Variants in PRELID2 observed in about 807,000 individuals in gnomAD.
PRELID2 encodes PRELI domain containing 2, also known as PRELI domain-containing protein 2.
In PRELID2, 25 loss-of-function variants were observed where a neutral mutation model predicts 28.4. That is an observed-to-expected ratio of 0.88 (90% confidence interval 0.64 to 1.23). The LOEUF (loss-of-function observed/expected upper bound fraction) is 1.23. PRELID2 is among the 50% of genes most tolerant of loss of function. The pLI is 0.00. For synonymous variants in PRELID2, 76 were observed against 71.6 expected, an observed-to-expected ratio of 1.06 and a Z score of -0.31; for missense variants, 201 against 214.4, an observed-to-expected ratio of 0.94 and a Z score of 0.39.
the PRELID2 span, among the ~76,000 whole-genome samples, chr5:145,231,201 A>G: frequency 6.6e-6 from 1 of 152,164 alleles, no homozygotes; most frequent in Non-Finnish European, 1.5e-5. Context: ...GCAGGTCCTA[A>G]AGATGATCCA....
chr5:145,798,224 G>A (rs1211496665), intron 4 of PRELID2, among the ~76,000 whole-genome samples: 2 of 152,016 alleles, frequency 1.3e-5, no homozygotes, highest in Non-Finnish European at 1.5e-5. Flanking sequence ...GAGAGCCTAA[G>A]GGACTTATAA....
chr5:145,263,721 G>T, the PRELID2 span, among the ~76,000 whole-genome samples: 3 of 151,920 alleles, frequency 2.0e-5, no homozygotes, highest in Non-Finnish European at 2.9e-5. Flanking sequence ...ACCTTTACAT[G>T]CATAAACTAG....
the PRELID2 span, among the ~76,000 whole-genome samples, chr5:145,282,709 G>C: frequency 6.6e-6 from 1 of 151,952 alleles, no homozygotes; most frequent in African/African-American, 2.4e-5. Context: ...AGTAGAGACA[G>C]GGTTTCACCA....
chr5:145,366,954 A>G, the PRELID2 span, among the ~76,000 whole-genome samples: 2 of 151,916 alleles, frequency 1.3e-5, no homozygotes, highest in Non-Finnish European at 2.9e-5. Flanking sequence ...AAAGCCATCA[A>G]TAGGTAAGCT....
At chr5:145,571,082 T>C (rs960141340) in intron 1 of PRELID2, among the ~76,000 whole-genome samples, 4 of 152,244 alleles carry the variant, frequency 2.6e-5, no homozygotes, top group African/African-American at 4.8e-5. Flanking sequence ...TAATTACACA[T>C]AAATGTACTC....
the PRELID2 span, among the ~76,000 whole-genome samples, chr5:145,362,237 C>A: frequency 6.6e-6 from 1 of 152,102 alleles, no homozygotes; most frequent in Non-Finnish European, 1.5e-5. Context: ...GTATTTGAAG[C>A]CTTTCAAAAG....
intron 1 of PRELID2, among the ~76,000 whole-genome samples, chr5:145,517,530 T>A (rs1368374959): frequency 6.6e-6 from 1 of 152,192 alleles, no homozygotes; most frequent in Non-Finnish European, 1.5e-5. Context: ...GGAACAATTT[T>A]ACACTGTTGG....
At chr5:145,701,383 TTA>T (rs1313367508) in intron 1 of PRELID2, among the ~76,000 whole-genome samples, 1 of 152,204 alleles carries the variant, frequency 6.6e-6, no homozygotes, top group Non-Finnish European at 1.5e-5. Flanking sequence ...TATAAAAATT[TTA>T]GACAACATTA....
chr5:145,422,126 A>G, the PRELID2 span, among the ~76,000 whole-genome samples: 1 of 142,586 alleles, frequency 7.0e-6, no homozygotes, highest in Non-Finnish European at 1.5e-5. Flanking sequence ...GTTCTTTTAC[A>G]TTTGCTGAGG....
chr5:145,332,940 G>T, the PRELID2 span, among the ~76,000 whole-genome samples: 1 of 152,318 alleles, frequency 6.6e-6, no homozygotes, highest in East Asian at 1.9e-4. Context: ...GTGACCTTCA[G>T]ATGGGGTTTT....
At position 145,729,038 on chromosome 5, in the gene PRELID2, A is replaced by C. The variant is rs369663251; in HGVS notation, n.70+35893T>G. 59 of 647,366 alleles carry C rather than the reference A, an allele frequency of 9.1e-5. No individual in the cohort carries two copies. In the African/African-American group the frequency reaches 1.0e-3, roughly 11 times the overall value. 40.1% of individuals were successfully genotyped at this position (647,366 alleles called of 1,614,324 possible). On this transcript the variant is annotated intron_variant and non_coding_transcript_variant, in intron 1 of 2. Coordinates refer to the PRELID2 transcript ENST00000510259. ...AAGTAACATTGGGAGATAATGTGAA[A>C]TACTACATAATAAATGCCTTAAGAA...
chr5:145,684,509 T>C (rs1754998584), intron 1 of PRELID2, among the ~76,000 whole-genome samples: 2 of 152,222 alleles, frequency 1.3e-5, no homozygotes. Context: ...TAGCTTTCAT[T>C]TTGTGCTTGC....
chr5:145,445,230 A>T, the PRELID2 span, among the ~76,000 whole-genome samples: 4 of 152,124 alleles, frequency 2.6e-5, no homozygotes, highest in Admixed American at 2.6e-4. Context: ...GAATCCAAGT[A>T]TCCACAGCCA....
chr5:145,726,329 A>G (rs1319573161), intron 1 of PRELID2, among the ~76,000 whole-genome samples: 1 of 147,182 alleles, frequency 6.8e-6, no homozygotes, highest in Non-Finnish European at 1.5e-5. Context: ...GAAAGAGAGA[A>G]AGAGAAAGAA....
At chr5:145,398,281 A>T in the PRELID2 span, among the ~76,000 whole-genome samples, 1 of 152,108 alleles carries the variant, frequency 6.6e-6, no homozygotes, top group African/African-American at 2.4e-5. Context: ...ATGGGGCACA[A>T]TTGCCCACGT....
chr5:145,817,198 A>AAAAAAATAT (rs1365517052), intron 4 of PRELID2, among the ~76,000 whole-genome samples: 31 of 70,040 alleles, frequency 4.4e-4, no homozygotes, highest in African/African-American at 9.8e-4. Context: ...TTCAAAAAAA[A>AAAAAAATAT]ATAAATAAAT....
the PRELID2 span, among the ~76,000 whole-genome samples, chr5:145,366,588 GATA>G: frequency 1.3e-5 from 2 of 151,860 alleles, no homozygotes; most frequent in South Asian, 2.1e-4. Context: ...TAACAGGACA[GATA>G]ATGTTATATT....
the PRELID2 span, among the ~76,000 whole-genome samples, chr5:145,282,342 T>C: frequency 1.1e-4 from 17 of 152,258 alleles, no homozygotes; most frequent in South Asian, 3.1e-3. Flanking sequence ...AATGAATATG[T>C]AGCTACTAAA....
chr5:145,741,148 T>A (rs1756708901), intron 1 of PRELID2, among the ~76,000 whole-genome samples: 1 of 116,520 alleles, frequency 8.6e-6, no homozygotes, highest in African/African-American at 3.5e-5. Flanking sequence ...AATGTATAAA[T>A]ATGTAAAATA....
Sources: allele counts gnomAD v4.1 joint callset (sites outside exome capture counted in the v4.1 genomes callset), GRCh38; gene constraint gnomAD v4.1.1; transcripts MANE v1.5; gene names NCBI Gene and HGNC (gene_info 2026-07-23, HGNC 2026-07-21).